Variants in RALGAPA1 observed in about 807,000 individuals in gnomAD.
RALGAPA1 encodes ral GTPase-activating protein subunit alpha-1.
In RALGAPA1, 52 loss-of-function variants were observed where a neutral mutation model predicts 269.6. The observed-to-expected ratio is 0.19, with a 90% CI of 0.15 to 0.24. The LOEUF (loss-of-function observed/expected upper bound fraction) is 0.24, where lower values mean the gene tolerates loss of function less well. RALGAPA1 is among the 10% of genes least tolerant of loss of function. The pLI, the probability that RALGAPA1 is intolerant of heterozygous loss-of-function variation, is 1.00. For missense variants in RALGAPA1, 1,917 were observed against 3,013.9 expected, an observed-to-expected ratio of 0.64 and a Z score of 8.52; for synonymous variants, 817 against 1,008.3, an observed-to-expected ratio of 0.81 and a Z score of 3.60.
intron 16 of RALGAPA1, among the ~76,000 whole-genome samples, chr14:35,721,406 C>T (rs2069399851): frequency 6.6e-6 from 1 of 152,174 alleles, no homozygotes; most frequent in Admixed American, 6.5e-5. Flanking sequence ...AAGTGAATCA[C>T]AGTTCTACTT....
At chr14:35,561,255 C>G (rs1445139973) in intron 39 of RALGAPA1, among the ~76,000 whole-genome samples, 1 of 101,440 alleles carries the variant, frequency 9.9e-6, no homozygotes, top group Non-Finnish European at 2.2e-5. Flanking sequence ...AAAAAAAATA[C>G]AGTAACATCA....
chr14:35,628,485 CA>C (rs2061127340), intron 33 of RALGAPA1, among the ~76,000 whole-genome samples: 1 of 152,000 alleles, frequency 6.6e-6, no homozygotes, highest in African/African-American at 2.4e-5. Flanking sequence ...CAAAATAAAA[CA>C]AAAAACAAAA....
At chr14:35,654,344 T>C (rs376572234) in intron 30 of RALGAPA1, 23 bp downstream of exon 30, 4 of 1,563,100 alleles carry the variant, frequency 2.6e-6, no homozygotes, top group Non-Finnish European at 3.4e-6. Context: ...AAGGTCATAA[T>C]AAATAAATGA....
intron 35 of RALGAPA1, among the ~76,000 whole-genome samples, chr14:35,614,542 G>A (rs1336907897): frequency 1.3e-5 from 2 of 152,050 alleles, no homozygotes; most frequent in Non-Finnish European, 2.9e-5. Flanking sequence ...GTAGATATGT[G>A]TTATCTAAGG....
intron 36 of RALGAPA1, among the ~76,000 whole-genome samples, chr14:35,600,615 C>T (rs927154066): frequency 2.0e-5 from 3 of 152,196 alleles, no homozygotes; most frequent in African/African-American, 7.2e-5. Context: ...ATTCCCACTC[C>T]ACTTGGTTGT....
chr14:35,685,395 G>A (rs997761707), intron 19 of RALGAPA1, among the ~76,000 whole-genome samples: 1 of 151,930 alleles, frequency 6.6e-6, no homozygotes, highest in African/African-American at 2.4e-5. Flanking sequence ...CAGGATCCAT[G>A]CAGTGAATAT....
intron 19 of RALGAPA1, 87 bp downstream of exon 19, chr14:35,686,455 T>C (rs2065941573): frequency 6.1e-6 from 6 of 984,226 alleles, no homozygotes; most frequent in East Asian, 3.2e-5. Context: ...AATTCCCATA[T>C]ATAAATTGAC....
At chr14:35,655,988 A>G (rs935954412) in intron 28 of RALGAPA1, 73 bp from the exon 29 acceptor site, 1 of 1,604,098 alleles carries the variant, frequency 6.2e-7, no homozygotes, top group East Asian at 2.2e-5. Context: ...CAATCAACTG[A>G]CACAGAATGA....
intron 4 of RALGAPA1, among the ~76,000 whole-genome samples, chr14:35,767,949 A>G (rs1486844515): frequency 6.6e-6 from 1 of 151,772 alleles, no homozygotes. Flanking sequence ...TAATTTTTGT[A>G]TTTTTTTCCT....
At chr14:35,659,644 T>A (rs368470874) in intron 27 of RALGAPA1, among the ~76,000 whole-genome samples, 17 of 151,966 alleles carry the variant, frequency 1.1e-4, no homozygotes, top group African/African-American at 3.9e-4. Flanking sequence ...TACCCTGACA[T>A]CAAAGTCAGA....
chr14:35,746,389 TATC>T (rs1426490773), intron 10 of RALGAPA1, among the ~76,000 whole-genome samples: 1 of 152,194 alleles, frequency 6.6e-6, no homozygotes, highest in Non-Finnish European at 1.5e-5. Context: ...TAGAAGATTT[TATC>T]ATAAGTGTTC....
intron 41 of RALGAPA1, among the ~76,000 whole-genome samples, chr14:35,545,877 T>C (rs1292247495): frequency 6.6e-6 from 1 of 152,150 alleles, no homozygotes; most frequent in East Asian, 1.9e-4. Flanking sequence ...AGTAATTTCA[T>C]TTTAAAGTTT....
intron 6 of RALGAPA1, among the ~76,000 whole-genome samples, chr14:35,757,700 T>A (rs980762971): frequency 1.3e-5 from 2 of 152,162 alleles, no homozygotes; most frequent in African/African-American, 4.8e-5. Context: ...AAAAATTCAT[T>A]ATAACAAATG....
rs79555220 is a variant in RALGAPA1, at chr14:35,709,544, C to T, written c.2267-9242G>A. 4.8e-3 allele frequency among the ~76,000 whole-genome samples: 732 copies of T among 152,018 alleles called. 16 individuals are homozygous for T. The East Asian group carries it at 0.057, about 12-fold the overall frequency. On this transcript the variant is annotated intron_variant, in intron 16 of 41. Transcript: ENST00000680220. ...TTTGTTGATTTTTCTCTAGTGATTTCCTATTTTCAACTTCCTTGTTTTCTG... is the reference window on the plus strand; with the variant it reads ...TTTGTTGATTTTTCTCTAGTGATTTTCTATTTTCAACTTCCTTGTTTTCTG...
intron 21 of RALGAPA1, among the ~76,000 whole-genome samples, chr14:35,679,883 T>C (rs1351517396): frequency 6.6e-6 from 1 of 152,198 alleles, no homozygotes; most frequent in Non-Finnish European, 1.5e-5. Context: ...AGTAATCATA[T>C]GACCCTATCT....
chr14:35,680,925 T>A (rs1036342939), intron 21 of RALGAPA1, among the ~76,000 whole-genome samples: 2 of 152,190 alleles, frequency 1.3e-5, no homozygotes, highest in African/African-American at 4.8e-5. Flanking sequence ...ATTTTATTTT[T>A]AAAAATCTAT....
intron 4 of RALGAPA1, among the ~76,000 whole-genome samples, chr14:35,769,035 AATATATATATATAT>A (rs200538547): frequency 1.3e-3 from 78 of 58,300 alleles, no homozygotes; most frequent in African/African-American, 2.9e-3. Flanking sequence ...AAAAAAAAAA[AATATATATATATAT>A]ATATATATAT....
At chr14:35,608,591 T>C (rs1441009504) in intron 35 of RALGAPA1, among the ~76,000 whole-genome samples, 1 of 152,060 alleles carries the variant, frequency 6.6e-6, no homozygotes, top group Non-Finnish European at 1.5e-5. Flanking sequence ...ACAAAAAATG[T>C]TAGAGATAGA....
At chr14:35,612,540 T>TC (rs1491235892) in intron 35 of RALGAPA1, among the ~76,000 whole-genome samples, 71 of 149,550 alleles carry the variant, frequency 4.7e-4, no homozygotes, top group Non-Finnish European at 9.5e-4. Context: ...TTCTTCTTCT[T>TC]CTTTTTTTTT....
Sources: allele counts gnomAD v4.1 joint callset (sites outside exome capture counted in the v4.1 genomes callset), GRCh38; gene constraint gnomAD v4.1.1; transcripts MANE v1.5; gene names NCBI Gene and HGNC (gene_info 2026-07-23, HGNC 2026-07-21).